Variants in KLF17 observed in about 807,000 individuals in gnomAD.
KLF17 encodes KLF transcription factor 17.
Under a neutral mutation model 34.2 loss-of-function variants are expected in KLF17, and 31 were observed. That is an observed-to-expected ratio of 0.91 (90% confidence interval 0.68 to 1.22). The LOEUF (loss-of-function observed/expected upper bound fraction) is 1.22, where lower values mean the gene tolerates loss of function less well. Ranked by LOEUF, KLF17 falls within the 50% of genes most tolerant of loss-of-function variation. KLF17 has a pLI of 0.00. For missense variants in KLF17, 478 were observed against 505.2 expected, an observed-to-expected ratio of 0.95 and a Z score of 0.52; for synonymous variants, 179 against 186.7, an observed-to-expected ratio of 0.96 and a Z score of 0.34.
chr1:44,125,914 C>G (rs2088001993), intron 1 of KLF17, among the ~76,000 whole-genome samples: 3 of 152,158 alleles, frequency 2.0e-5, no homozygotes, highest in African/African-American at 4.8e-5. Context: ...GGTTGAGTTG[C>G]CATAATGGCT....
At chr1:44,086,117 A>C in the KLF17 span, among the ~76,000 whole-genome samples, 1 of 152,174 alleles carries the variant, frequency 6.6e-6, no homozygotes, top group Non-Finnish European at 1.5e-5. Context: ...GACCAGATGG[A>C]GGGAAAGTGG....
At chr1:44,046,994 T>C in the KLF17 span, among the ~76,000 whole-genome samples, 1 of 121,402 alleles carries the variant, frequency 8.2e-6, no homozygotes, top group Middle Eastern at 6.8e-3. Flanking sequence ...GCCACTGCAC[T>C]CCAGCCTAGA....
chr1:44,060,656 CTCAACCCTAG>C, the KLF17 span, among the ~76,000 whole-genome samples: 7 of 152,136 alleles, frequency 4.6e-5, no homozygotes, highest in Non-Finnish European at 8.8e-5. Flanking sequence ...TGCTTACCTA[CTCAACCCTAG>C]TCAACCCTAA....
At chr1:44,127,634 C>CTTTTCTTTTCTTTTCTTTTCT (rs11401670) in intron 1 of KLF17, among the ~76,000 whole-genome samples, 1 of 41,000 alleles carries the variant, frequency 2.4e-5, no homozygotes, top group Admixed American at 2.8e-4. Context: ...CTTTTCTTTT[C>CTTTTCTTTTCTTTTCTTTTCT]TTTCCTTCTT....
At chr1:44,054,776 C>T in the KLF17 span, among the ~76,000 whole-genome samples, 5 of 97,874 alleles carry the variant, frequency 5.1e-5, no homozygotes, top group Admixed American at 5.4e-4. Context: ...CCACCGTGCC[C>T]AGCTTTTTTT....
chr1:44,085,399 G>A, the KLF17 span, among the ~76,000 whole-genome samples: 4 of 152,312 alleles, frequency 2.6e-5, no homozygotes, highest in African/African-American at 9.6e-5. Flanking sequence ...CTGAGAAGTG[G>A]ATCTTTGAAG....
upstream of KLF17, among the ~76,000 whole-genome samples, chr1:44,116,850 G>A (rs910123481): frequency 6.6e-6 from 1 of 152,144 alleles, no homozygotes; most frequent in Non-Finnish European, 1.5e-5. Context: ...CAACACCCAA[G>A]TTTACATTTA....
rs1461907202 is a variant in KLF17, at chr1:44,129,999, C to G, written c.728C>G (p.Pro243Arg). The change falls in exon 2 of 4, where the codon CCA becomes CGA. Residue 243 changes from proline to arginine, a missense_variant. Coordinates refer to ENST00000372299, the MANE Select transcript of KLF17 (RefSeq NM_173484.4). The part of the protein sequence containing the change: ...LGSQDSLVSQ[P>R]DSQEGPFLPE... ...TCTCAGGACTCTCTTGTCAGTCAGCCAGACTCTCAAGAAGGCCCATTTCTA... is the reference window on the plus strand; with the variant it reads ...TCTCAGGACTCTCTTGTCAGTCAGCGAGACTCTCAAGAAGGCCCATTTCTA... The G allele has an allele frequency of 1.7e-5, 28 of 1,614,088 alleles. No homozygotes were observed. The highest frequency in any genetic ancestry group is 2.3e-5 in the Non-Finnish European group (27 of 1,180,038).
the KLF17 span, among the ~76,000 whole-genome samples, chr1:44,068,528 C>T: frequency 1.5e-3 from 222 of 152,354 alleles, 1 homozygote; most frequent in African/African-American, 4.9e-3. Flanking sequence ...CTGTCAGCAG[C>T]CTCCTCCCTT....
At chr1:44,120,373 A>G (rs983713955) in intron 1 of KLF17, among the ~76,000 whole-genome samples, 2 of 152,222 alleles carry the variant, frequency 1.3e-5, no homozygotes, top group African/African-American at 4.8e-5. Context: ...AGAGCAGGGA[A>G]AGGGAAATCT....
chr1:44,068,551 G>A, the KLF17 span, among the ~76,000 whole-genome samples: 2 of 152,144 alleles, frequency 1.3e-5, no homozygotes, highest in Non-Finnish European at 2.9e-5. Flanking sequence ...CCTGCCCTTC[G>A]GCCTTGGCCT....
At chr1:44,103,069 T>C in the KLF17 span, among the ~76,000 whole-genome samples, 5 of 152,222 alleles carry the variant, frequency 3.3e-5, no homozygotes, top group Non-Finnish European at 2.9e-5. Context: ...TTTTCAGAGC[T>C]AGCTGAGGTT....
At chr1:44,044,545 A>C in the KLF17 span, 1 of 152,260 alleles carries the variant, frequency 6.6e-6, no homozygotes, top group South Asian at 2.1e-4. Flanking sequence ...TTTTACTTGT[A>C]ACACCTGAAG....
chr1:44,093,330 A>T, the KLF17 span, among the ~76,000 whole-genome samples: 1 of 152,148 alleles, frequency 6.6e-6, no homozygotes, highest in Non-Finnish European at 1.5e-5. Context: ...GTACCAACCT[A>T]TATACTACCC....
At chr1:44,124,110 A>C (rs745883805) in intron 1 of KLF17, among the ~76,000 whole-genome samples, 1 of 151,994 alleles carries the variant, frequency 6.6e-6, no homozygotes, top group Non-Finnish European at 1.5e-5. Context: ...TGGTGTTTGG[A>C]TCTAAATATA....
the KLF17 span, among the ~76,000 whole-genome samples, chr1:44,073,951 T>A: frequency 7.9e-5 from 12 of 152,190 alleles, no homozygotes; most frequent in Non-Finnish European, 1.6e-4. Flanking sequence ...GGAAGAGACT[T>A]AGTCTTATTT....
At chr1:44,093,071 G>A in the KLF17 span, among the ~76,000 whole-genome samples, 49,281 of 151,852 alleles carry the variant, frequency 0.32, 8,119 homozygotes, top group South Asian at 0.38. Flanking sequence ...ATGTAATAAG[G>A]GGCATTGAAG....
chr1:44,132,178 C>T (rs113601779), intron 3 of KLF17, among the ~76,000 whole-genome samples: 9,274 of 151,998 alleles, frequency 0.061, 657 homozygotes, highest in African/African-American at 0.17. Flanking sequence ...TGGTGGCGTG[C>T]GCCTGTAGTC....
the KLF17 span, among the ~76,000 whole-genome samples, chr1:44,048,761 A>G: frequency 4.5e-4 from 69 of 152,382 alleles, 2 homozygotes; most frequent in South Asian, 0.013. Context: ...TTTTGAACAC[A>G]GTAAGATTTA....
Sources: allele counts gnomAD v4.1 joint callset (sites outside exome capture counted in the v4.1 genomes callset), GRCh38; gene constraint gnomAD v4.1.1; transcripts MANE v1.5; gene names NCBI Gene and HGNC (gene_info 2026-07-23, HGNC 2026-07-21).